The following C16orf89 variants were observed in gnomAD, a reference collection of about 807,000 sequenced individuals.
C16orf89 encodes the protein UPF0764 protein C16orf89.
C16orf89 carries 57 observed loss-of-function variants against 41.5 expected under a neutral mutation model. That is an observed-to-expected ratio of 1.38 (90% CI 1.11 to 1.71). The LOEUF (loss-of-function observed/expected upper bound fraction) is 1.71. Ranked by LOEUF, C16orf89 falls within the 40% of genes most tolerant of loss-of-function variation. The pLI, the probability that C16orf89 is intolerant of heterozygous loss-of-function variation, is 0.00. For missense variants in C16orf89, 575 were observed against 445.9 expected (o/e 1.29, Z -2.61); for synonymous variants, 223 against 190.6 (o/e 1.17, Z -1.40).
chr16:5,050,917 T>C (rs1004088105), intron 6 of C16orf89, among the ~76,000 whole-genome samples: 2 of 152,244 alleles, frequency 1.3e-5, no homozygotes, highest in Non-Finnish European at 2.9e-5. Flanking sequence ...TCAATAAATA[T>C]GATACATTAC....
intron 6 of C16orf89, among the ~76,000 whole-genome samples, chr16:5,053,631 C>A (rs925925981): frequency 6.6e-6 from 1 of 151,812 alleles, no homozygotes; most frequent in Non-Finnish European, 1.5e-5. Context: ...GCCTCGGCCT[C>A]CTGCTGGGCT....
chr16:5,058,354 A>AACTC (rs1413727127), intron 4 of C16orf89, 139 bp downstream of exon 4: 7 of 655,522 alleles, frequency 1.1e-5, no homozygotes, highest in Non-Finnish European at 1.8e-5. Flanking sequence ...GCTGGTTTTG[A>AACTC]ACTCCTGGCC....
intron 7 of C16orf89, among the ~76,000 whole-genome samples, chr16:5,046,336 T>TTTTAC (rs772618187): frequency 2.6e-5 from 4 of 151,538 alleles, no homozygotes; most frequent in Non-Finnish European, 4.4e-5. Flanking sequence ...TTATTTTTTA[T>TTTTAC]TTTATTTTAT....
At chr16:5,065,120 G>C (rs1956709767) in intron 1 of C16orf89, among the ~76,000 whole-genome samples, 1 of 151,960 alleles carries the variant, frequency 6.6e-6, no homozygotes, top group Non-Finnish European at 1.5e-5. Flanking sequence ...GCATGTGTGT[G>C]TGCGTGCGTG....
intron 2 of C16orf89, among the ~76,000 whole-genome samples, chr16:5,061,471 T>G (rs1485627565): frequency 3.4e-3 from 57 of 16,670 alleles, no homozygotes; most frequent in African/African-American, 5.0e-3. Flanking sequence ...AGAGACAGAG[T>G]GAGACACTGT....
chr16:5,063,656 C>T (rs561628624), intron 1 of C16orf89, among the ~76,000 whole-genome samples: 2 of 152,166 alleles, frequency 1.3e-5, no homozygotes, highest in Non-Finnish European at 2.9e-5. Context: ...TTGTGAATTG[C>T]ACATACGAGG....
intron 4 of C16orf89, among the ~76,000 whole-genome samples, chr16:5,057,559 A>G (rs1447587638): frequency 2.6e-5 from 4 of 151,208 alleles, no homozygotes; most frequent in Non-Finnish European, 4.4e-5. Flanking sequence ...AGCGGCATAT[A>G]TATATATAGT....
rs1301302453 is a variant in C16orf89 at position 5,047,913 on chromosome 16, G to A, written c.920C>T (p.Ser307Leu). The A allele has an allele frequency of 1.7e-5, 28 of 1,604,592 alleles. No individual in the cohort carries two copies. The highest frequency in any genetic ancestry group is 2.3e-5 in the Non-Finnish European group (27 of 1,172,386). Residue 307 changes from serine (S) to leucine (L), a missense_variant, in exon 7 of 8, where the codon TCG becomes TTG. Ser to Leu is a moderately radical substitution (Grantham distance 145). Transcript: ENST00000472572. ...TTTTTCTCGCCTCTTCACTCTCCTC[G>A]AAAAATGCTGCTGATATTGAATAGC... The part of the protein sequence containing the change: ...SKAIQYQQHF[S>L]RRVKRREKQF...
chr16:5,051,658 A>G (rs1275005560), intron 6 of C16orf89, among the ~76,000 whole-genome samples: 6 of 152,140 alleles, frequency 3.9e-5, no homozygotes, highest in Admixed American at 3.3e-4. Flanking sequence ...TCAAAATACC[A>G]ATGACATTCT....
chr16:5,045,762 C>T (rs1237871289), intron 7 of C16orf89, among the ~76,000 whole-genome samples: 2 of 152,124 alleles, frequency 1.3e-5, no homozygotes, highest in African/African-American at 4.8e-5. Context: ...AGAAGCGGGA[C>T]TCGAACCCAC....
intron 6 of C16orf89, among the ~76,000 whole-genome samples, chr16:5,052,156 C>T (rs1170696714): frequency 6.7e-6 from 1 of 148,876 alleles, no homozygotes; most frequent in Non-Finnish European, 1.5e-5. Flanking sequence ...AAATGAGCTG[C>T]ATAGACATCT....
At chr16:5,045,609 C>G (rs1220087684) in intron 7 of C16orf89, among the ~76,000 whole-genome samples, 1 of 152,132 alleles carries the variant, frequency 6.6e-6, no homozygotes, top group Non-Finnish European at 1.5e-5. Flanking sequence ...TCATGCCTCT[C>G]AGTGGCCTAC....
At position 5,044,632 on chromosome 16, in the gene C16orf89, A is replaced by G. The variant is rs1192363749; in HGVS notation, c.956-154T>C. On this transcript the variant is annotated intron_variant, in intron 7 of 7. Coordinates refer to ENST00000472572, the MANE Select transcript of C16orf89 (RefSeq NM_001098514.3). Reference sequence around the variant, plus strand: ...TGAGGTGGGCGGATCTCTTGAGATCAGGAGTTCGAGACCAGCATGAGCAAC... The same window carrying G: ...TGAGGTGGGCGGATCTCTTGAGATCGGGAGTTCGAGACCAGCATGAGCAAC... 10 of 1,389,244 alleles carry G rather than the reference A, an allele frequency of 7.2e-6. No individual in the cohort carries two copies. In the Admixed American group the frequency reaches 1.5e-4, roughly 20 times the overall value. 86.1% of individuals were successfully genotyped at this position (1,389,244 alleles called of 1,614,324 possible).
chr16:5,049,296 C>A (rs1596685657), intron 6 of C16orf89, among the ~76,000 whole-genome samples: 1 of 152,184 alleles, frequency 6.6e-6, no homozygotes, highest in East Asian at 1.9e-4. Flanking sequence ...GACAGATCAT[C>A]TAGACAGAAA....
chr16:5,045,842 A>AT (rs1956286177), intron 7 of C16orf89, among the ~76,000 whole-genome samples: 1 of 152,168 alleles, frequency 6.6e-6, no homozygotes, highest in Admixed American at 6.5e-5. Flanking sequence ...GGCTTGTGTC[A>AT]TAAGTGCAAG....
At chr16:5,046,216 G>A (rs1234099270) in intron 7 of C16orf89, among the ~76,000 whole-genome samples, 1 of 152,198 alleles carries the variant, frequency 6.6e-6, no homozygotes, top group Non-Finnish European at 1.5e-5. Flanking sequence ...AGGCCACAGT[G>A]GGGTTGATGG....
In C16orf89 at chr16:5,056,065, A is replaced by T. The variant is rs753215618; in HGVS notation, c.751T>A (p.Phe251Ile). The change falls in exon 5 of 8, where the codon TTC (phenylalanine) becomes ATC (isoleucine). Residue 251 changes from phenylalanine to isoleucine, a missense_variant. By Grantham distance (21) the Phe-to-Ile change is conservative. Transcript: ENST00000472572. ...IGYAYPTRDIFMENIMFCGMG... is the reference protein window; with the variant it reads ...IGYAYPTRDIIMENIMFCGMG... ...ATGCTGGCCATACTGTTTTCCATGA[A>T]GATGTCCCGGGTAGGGTAGGCGTAT... The T allele has an allele frequency of 6.3e-7, 1 of 1,593,668 alleles. No homozygotes were observed. The highest frequency in any genetic ancestry group is 1.7e-5 in the Admixed American group (1 of 59,494).
chr16:5,042,864 AGCTGTAAGCTGG>A (rs1956233155), downstream of C16orf89: 1 of 152,262 alleles, frequency 6.6e-6, no homozygotes, highest in Admixed American at 6.5e-5. The surrounding 1 kb of genome is among the most constrained non-coding windows in gnomAD (Gnocchi z 4.2). Flanking sequence ...TCGAGGGAAG[AGCTGTAAGCTGG>A]GAACCAGAGA....
chr16:5,055,735 G>C, intron 5 of C16orf89: 1 of 1,535,310 alleles, frequency 6.5e-7, no homozygotes, highest in Non-Finnish European at 8.7e-7. Context: ...TTTGGGGGCA[G>C]GAAACTGTCA....
Sources: gnomAD v4.1 joint callset for allele counts (sites outside exome capture counted in the v4.1 genomes callset) on GRCh38, gnomAD v4.1.1 for gene constraint, Gnocchi (gnomAD v3.1) non-coding constraint, MANE v1.5 for transcripts, NCBI Gene and HGNC (gene_info 2026-07-23, HGNC 2026-07-21) for gene names.